BLK: variants seen among roughly 807,000 people sequenced by gnomAD.
BLK encodes tyrosine-protein kinase Blk.
Under a neutral mutation model 61.8 loss-of-function variants are expected in BLK, and 64 were observed. That is an observed-to-expected ratio of 1.03 (90% CI 0.85 to 1.27). The LOEUF (loss-of-function observed/expected upper bound fraction) is 1.27. BLK is among the 50% of genes most tolerant of loss of function. BLK has a pLI of 0.00. For synonymous variants in BLK, 351 were observed against 272.0 expected, an observed-to-expected ratio of 1.29 and a Z score of -2.86; for missense variants, 853 against 660.5, an observed-to-expected ratio of 1.29 and a Z score of -3.19.
chr8:11,517,713 C>T (rs1050769997), intron 1 of BLK, among the ~76,000 whole-genome samples: 1 of 152,182 alleles, frequency 6.6e-6, no homozygotes, highest in Non-Finnish European at 1.5e-5. Flanking sequence ...GACCCTCTTG[C>T]GTTCCCAGCC....
intron 2 of BLK, among the ~76,000 whole-genome samples, chr8:11,543,909 G>C (rs60866687): frequency 0.024 from 3,644 of 152,166 alleles, 146 homozygotes; most frequent in African/African-American, 0.084. Context: ...CATGCAGTTT[G>C]ATTTGTTTAT....
Position 11,546,110 on chromosome 8 carries a change from A to G in BLK, c.175+7A>G, listed in dbSNP as rs1318543059. The G allele has an allele frequency of 1.2e-6, 2 of 1,614,056 alleles. No homozygotes were observed. Among genetic ancestry groups the G allele is most frequent in the Admixed American group, 3.3e-5 (2 of 60,004 alleles). ...GATGAACACCTGGATGAAGGTAAGAAGGGTGGTTTGGGAAGCTGAGGCTCC... is the reference window on the plus strand; with the variant it reads ...GATGAACACCTGGATGAAGGTAAGAGGGGTGGTTTGGGAAGCTGAGGCTCC... On this transcript the variant is annotated splice_region_variant and intron_variant, in intron 3 of 12. Transcript: ENST00000259089.
At chr8:11,530,676 TA>T (rs372753554) in intron 1 of BLK, among the ~76,000 whole-genome samples, 103,429 of 151,908 alleles carry the variant, frequency 0.68, 35,753 homozygotes, top group East Asian at 1. Flanking sequence ...AAGTTGTAAA[TA>T]GCTCAGTAGA....
intron 1 of BLK, among the ~76,000 whole-genome samples, chr8:11,508,505 C>G (rs112973882): frequency 5.3e-5 from 8 of 152,356 alleles, no homozygotes; most frequent in African/African-American, 1.9e-4. Flanking sequence ...GAGCCACATT[C>G]CTGTCCACGC....
At chr8:11,546,453 G>T (rs565794738) in intron 3 of BLK, among the ~76,000 whole-genome samples, 1 of 152,244 alleles carries the variant, frequency 6.6e-6, no homozygotes, top group African/African-American at 2.4e-5. Flanking sequence ...GTGGCTCCAG[G>T]CCCTTGCCTC....
At chr8:11,536,692 C>G (rs117895980) in intron 1 of BLK, among the ~76,000 whole-genome samples, 1 of 152,198 alleles carries the variant, frequency 6.6e-6, no homozygotes, top group Non-Finnish European at 1.5e-5. Flanking sequence ...AGGCATGAAC[C>G]ACTGTGCCTG....
chr8:11,504,027 A>G (rs746627082), intron 1 of BLK, among the ~76,000 whole-genome samples: 1 of 152,176 alleles, frequency 6.6e-6, no homozygotes, highest in African/African-American at 2.4e-5. Context: ...CTGGCTTTAG[A>G]AAGATCCCAT....
intron 1 of BLK, among the ~76,000 whole-genome samples, chr8:11,495,900 A>C (rs932317376): frequency 2.6e-5 from 4 of 152,244 alleles, no homozygotes; most frequent in African/African-American, 9.6e-5. Flanking sequence ...AAATATGGAA[A>C]TTCTCTGTGC....
chr8:11,549,193 G>C, intron 5 of BLK, 71 bp downstream of exon 5: 2 of 1,406,500 alleles, frequency 1.4e-6, no homozygotes, highest in South Asian at 1.2e-5. Flanking sequence ...CTGTTAGGCA[G>C]GGCAGGGCCA....
At chr8:11,503,323 G>A (rs1798638191) in intron 1 of BLK, among the ~76,000 whole-genome samples, 1 of 152,190 alleles carries the variant, frequency 6.6e-6, no homozygotes, top group Admixed American at 6.5e-5. Context: ...TCTTGGATGG[G>A]AGCTTGTGTG....
Position 11,564,368 on chromosome 8 carries a change from A to G in BLK, c.*260A>G. 1.5e-6 allele frequency: 1 copy of G among 684,790 alleles called. No individual in the cohort carries two copies. The highest frequency in any genetic ancestry group is 2.7e-6 in the Non-Finnish European group (1 of 374,036). The allele number at this position is 684,790 out of a possible 1,614,324, so 42.4% of individuals were successfully genotyped here. A position where few individuals can be genotyped will look rare whatever the true frequency, so the allele number is the denominator to read the frequency against. ...GTGACCTCGCACGGTCATCCGGAGT[A>G]CTAAGCCCCAGTAAGGTGTTCAGGA... On this transcript the variant is annotated 3_prime_UTR_variant, in exon 13 of 13. Transcript: ENST00000259089.
chr8:11,510,135 A>C (rs1033182856), intron 1 of BLK, among the ~76,000 whole-genome samples: 1 of 152,246 alleles, frequency 6.6e-6, no homozygotes, highest in Non-Finnish European at 1.5e-5. Flanking sequence ...TCTGAATTAC[A>C]TCGTGGAGCT....
chr8:11,543,360 C>G lies in BLK; in HGVS notation c.123+13C>G, dbSNP rs375105119. 2 of 1,612,124 alleles carry G rather than the reference C, an allele frequency of 1.2e-6. No individual in the cohort carries two copies. The highest frequency in any genetic ancestry group is 1.7e-5 in the Admixed American group (1 of 60,014). ...ACTGCCGCCCCTGGTGAGTGATTGC[C>G]CACCCCCACCAAGAGCAGATTACTT... is the stretch of plus-strand genomic sequence containing the variant. On this transcript the variant is annotated intron_variant, in intron 2 of 12. Coordinates refer to ENST00000259089, the MANE Select transcript of BLK (RefSeq NM_001715.3).
intron 1 of BLK, among the ~76,000 whole-genome samples, chr8:11,504,588 G>T (rs1414156981): frequency 1.3e-5 from 2 of 152,168 alleles, no homozygotes; most frequent in Non-Finnish European, 2.9e-5. Context: ...TCTTTTATCA[G>T]TCTTCGTAGC....
At chr8:11,504,891 C>A (rs1392461790) in intron 1 of BLK, among the ~76,000 whole-genome samples, 1 of 152,162 alleles carries the variant, frequency 6.6e-6, no homozygotes, top group African/African-American at 2.4e-5. Context: ...ATCTCTGTGG[C>A]CATGTTTCAG....
intron 1 of BLK, among the ~76,000 whole-genome samples, chr8:11,512,035 T>C (rs937625697): frequency 1.3e-5 from 2 of 152,232 alleles, no homozygotes; most frequent in Non-Finnish European, 2.9e-5. Context: ...ATGTCTACAA[T>C]GTATCAAGTG....
chr8:11,558,851 G>A (rs1214793056), intron 10 of BLK: 2 of 455,524 alleles, frequency 4.4e-6, no homozygotes, highest in African/African-American at 4.0e-5. Context: ...GCCACCGAGA[G>A]GAAACGCTCC....
intron 11 of BLK, among the ~76,000 whole-genome samples, chr8:11,562,099 G>A (rs1475611239): frequency 6.6e-6 from 1 of 152,178 alleles, no homozygotes; most frequent in Non-Finnish European, 1.5e-5. Flanking sequence ...GATGACAGGT[G>A]TAAGCCATGC....
chr8:11,563,172 C>T (rs1446800952), intron 12 of BLK, 62 bp downstream of exon 12: 5 of 1,609,298 alleles, frequency 3.1e-6, no homozygotes, highest in Admixed American at 1.7e-5. Flanking sequence ...GATGGCAGGT[C>T]GCCTGTGCTT....
Sources: allele counts gnomAD v4.1 joint callset (sites outside exome capture counted in the v4.1 genomes callset), GRCh38; gene constraint gnomAD v4.1.1; transcripts MANE v1.5; gene names NCBI Gene and HGNC (gene_info 2026-07-23, HGNC 2026-07-21).